Variants in DENND4C observed in about 807,000 individuals in gnomAD.
The protein encoded by DENND4C is DENN domain-containing protein 4C.
Under a neutral mutation model 203.0 loss-of-function variants are expected in DENND4C, and 108 were observed. That is an observed-to-expected ratio of 0.53 (90% CI 0.46 to 0.62). The LOEUF is 0.62. DENND4C is among the 20% of genes least tolerant of loss of function. The pLI is 0.00. For synonymous variants in DENND4C, 871 were observed against 792.4 expected, an observed-to-expected ratio of 1.10 and a Z score of -1.67; for missense variants, 2,481 against 2,301.2, an observed-to-expected ratio of 1.08 and a Z score of -1.60.
At chr9:19,356,390 A>G (rs1206008658) in intron 26 of DENND4C, among the ~76,000 whole-genome samples, 2 of 152,132 alleles carry the variant, frequency 1.3e-5, no homozygotes, top group Admixed American at 6.5e-5. Flanking sequence ...AAACCCTTAG[A>G]AAACATTACC....
At chr9:19,233,243 A>C (rs941164463) in intron 1 of DENND4C, among the ~76,000 whole-genome samples, 1 of 152,162 alleles carries the variant, frequency 6.6e-6, no homozygotes, top group African/African-American at 2.4e-5. Flanking sequence ...AAGCTTTCAT[A>C]ATAACTGAAT....
rs1819357933 is a variant in DENND4C at position 19,332,127 on chromosome 9, G to A, written c.2403G>A (p.Gln801=). 1.3e-5 allele frequency: 21 copies of A among 1,613,894 alleles called. No individual in the cohort carries two copies. Among genetic ancestry groups the A allele is most frequent in the Non-Finnish European group, 1.8e-5 (21 of 1,179,984 alleles). Residue 801 remains glutamine, a synonymous_variant, in exon 17 of 33, where the codon CAG becomes CAA. Coordinates refer to ENST00000434457, the MANE Select transcript of DENND4C (RefSeq NM_001330640.2). Reference sequence around the variant, plus strand: ...CTCATCCTAAAGTCAGAGCACTTCAGCAGGCATATGATGTACTTATTAAGA... The same window carrying A: ...CTCATCCTAAAGTCAGAGCACTTCAACAGGCATATGATGTACTTATTAAGA... ...RVSHPKVRAL[Q]QAYDVLIKMR...
In DENND4C at chr9:19,251,021, G is replaced by A. The variant is rs114633017; in HGVS notation, c.-18+20188G>A. ...CACCTTCTCACAGCTCCGCTAGGCAGCACCCCAGTGGGGACCCTTTGTGGG... is the reference window on the plus strand; with the variant it reads ...CACCTTCTCACAGCTCCGCTAGGCAACACCCCAGTGGGGACCCTTTGTGGG... On this transcript the variant is annotated intron_variant, in intron 1 of 32. Coordinates refer to ENST00000434457, the MANE Select transcript of DENND4C (RefSeq NM_001330640.2). Among the ~76,000 whole-genome samples the A allele has an allele frequency of 5.8e-3, 886 of 152,312 alleles. 12 individuals carry two copies. Among genetic ancestry groups the A allele is most frequent in the African/African-American group, 0.02 (820 of 41,580 alleles).
At chr9:19,308,488 G>T (rs576182474) in intron 10 of DENND4C, among the ~76,000 whole-genome samples, 2 of 152,148 alleles carry the variant, frequency 1.3e-5, no homozygotes, top group East Asian at 1.9e-4. Context: ...TGTTCCTTTT[G>T]TTGGTACATT....
intron 2 of DENND4C, among the ~76,000 whole-genome samples, chr9:19,283,880 C>T (rs1248962053): frequency 6.6e-6 from 1 of 152,106 alleles, no homozygotes; most frequent in South Asian, 2.1e-4. Context: ...TAGGCGTGAG[C>T]CACTGCGCCC....
chr9:19,308,054 T>A (rs1419012278), intron 10 of DENND4C, among the ~76,000 whole-genome samples: 2 of 152,182 alleles, frequency 1.3e-5, no homozygotes, highest in Admixed American at 6.5e-5. Context: ...TGCTCACCAT[T>A]CTTTGTGAGG....
chr9:19,298,266 C>T (rs1837858385), intron 7 of DENND4C, 144 bp downstream of exon 7: 2 of 629,516 alleles, frequency 3.2e-6, no homozygotes, highest in Admixed American at 3.1e-5. Context: ...TGTAGCTTTA[C>T]TGAACACCCT....
intron 30 of DENND4C, among the ~76,000 whole-genome samples, chr9:19,369,559 G>A (rs1057336050): frequency 6.6e-6 from 1 of 151,982 alleles, no homozygotes; most frequent in African/African-American, 2.4e-5. Flanking sequence ...TTGAGCCCAG[G>A]AGTTTGAGAC....
Position 19,334,979 on chromosome 9 carries a change from G to A in DENND4C, c.2463G>A (p.Val821=). The change falls in exon 18 of 33, where the codon GTG becomes GTA. Residue 821 remains valine, a splice_region_variant and synonymous_variant. Transcript: ENST00000434457. ...RKTDVDPLDE[V]CYRVVMQLCG... ...CACTGATTTTTTTTTTTTGTTAGGTGTGCTATCGAGTAGTGATGCAGCTTT... is the reference window on the plus strand; with the variant it reads ...CACTGATTTTTTTTTTTTGTTAGGTATGCTATCGAGTAGTGATGCAGCTTT... 1 of 1,581,840 alleles carries A rather than the reference G, an allele frequency of 6.3e-7. No individual in the cohort carries two copies. The highest frequency in any genetic ancestry group is 8.6e-7 in the Non-Finnish European group (1 of 1,169,516).
In DENND4C at chr9:19,296,096, C is replaced by G; in HGVS notation, c.890C>G (p.Pro297Arg). 6.2e-7 allele frequency: 1 copy of G among 1,614,044 alleles called. No homozygotes were observed. Among genetic ancestry groups the G allele is most frequent in the South Asian group, 1.1e-5 (1 of 91,078 alleles). Residue 297 changes from proline (P) to arginine (R), a missense_variant, in exon 6 of 33, where the codon CCT becomes CGT. This residue lies in a region of DENND4C where 2,289 missense variants were observed against 2,113.3 expected (regional missense o/e 1.08). Coordinates refer to ENST00000434457, the MANE Select transcript of DENND4C (RefSeq NM_001330640.2). ...CTTATGCACCTGGGCTTGTTGACGCCTGTGGAGAGAAAAATGGTCTCCAAA... is the reference window on the plus strand; with the variant it reads ...CTTATGCACCTGGGCTTGTTGACGCGTGTGGAGAGAAAAATGGTCTCCAAA... ...KQLMHLGLLT[P>R]VERKMVSKSI... is the part of the protein sequence containing the mutation.
chr9:19,262,112 A>G (rs1471941287), intron 1 of DENND4C, among the ~76,000 whole-genome samples: 2 of 69,978 alleles, frequency 2.9e-5, no homozygotes, highest in Non-Finnish European at 5.7e-5. Context: ...TTTTGAGACA[A>G]GTCTTGTTCT....
chr9:19,270,935 C>G (rs1831518566), intron 1 of DENND4C, among the ~76,000 whole-genome samples: 1 of 151,988 alleles, frequency 6.6e-6, no homozygotes, highest in African/African-American at 2.4e-5. Flanking sequence ...TATATAGTAG[C>G]AATGAATAAT....
intron 1 of DENND4C, among the ~76,000 whole-genome samples, chr9:19,251,981 C>T (rs989402697): frequency 2.0e-5 from 3 of 152,194 alleles, no homozygotes; most frequent in African/African-American, 4.8e-5. Flanking sequence ...GTTCGAAAGT[C>T]GCTTCCACAT....
At chr9:19,314,377 C>G (rs548203973) in intron 10 of DENND4C, among the ~76,000 whole-genome samples, 4 of 152,074 alleles carry the variant, frequency 2.6e-5, no homozygotes, top group Non-Finnish European at 4.4e-5. Context: ...TCGCTTGAAC[C>G]TGGGAGGTGG....
chr9:19,341,291 T>C (rs1194981641), intron 21 of DENND4C, among the ~76,000 whole-genome samples, 177 bp downstream of exon 21: 1 of 151,242 alleles, frequency 6.6e-6, no homozygotes, highest in African/African-American at 2.4e-5. Context: ...TTTTAAAATT[T>C]AAGAGAACTT....
intron 16 of DENND4C, among the ~76,000 whole-genome samples, chr9:19,331,184 T>C (rs1269576664): frequency 6.6e-6 from 1 of 151,724 alleles, no homozygotes; most frequent in Non-Finnish European, 1.5e-5. Context: ...GGAAAGTTTA[T>C]GTTGACTGCA....
chr9:19,346,642 A>C lies in DENND4C; in HGVS notation c.3873A>C (p.Leu1291=). Residue 1291 remains leucine, a synonymous_variant, in exon 23 of 33, where the codon CTA becomes CTC. Coordinates refer to ENST00000434457, the MANE Select transcript of DENND4C (RefSeq NM_001330640.2). ...LADEIESYMN[L]KSPLGSKSSS... is the part of the protein sequence containing the mutation. ...ATGAAATAGAAAGCTATATGAACCTAAAAAGTCCCCTAGGTAGTAAATCTT... is the reference window on the plus strand; with the variant it reads ...ATGAAATAGAAAGCTATATGAACCTCAAAAGTCCCCTAGGTAGTAAATCTT... The C allele has an allele frequency of 6.2e-7, 1 of 1,614,138 alleles. No individual in the cohort carries two copies. The highest frequency in any genetic ancestry group is 8.5e-7 in the Non-Finnish European group (1 of 1,180,010).
chr9:19,344,322 T>C (rs1053004293), intron 22 of DENND4C, among the ~76,000 whole-genome samples: 39 of 152,226 alleles, frequency 2.6e-4, no homozygotes, highest in African/African-American at 8.4e-4. Flanking sequence ...ACAGACTAGG[T>C]GACTTATAAA....
intron 26 of DENND4C, among the ~76,000 whole-genome samples, chr9:19,354,610 A>G (rs900403073): frequency 1.4e-5 from 2 of 140,944 alleles, no homozygotes; most frequent in African/African-American, 5.4e-5. Context: ...GCTGGAGTCC[A>G]ATGGCACAAT....
Sources: allele counts gnomAD v4.1 joint callset (sites outside exome capture counted in the v4.1 genomes callset), GRCh38; gene constraint gnomAD v4.1.1; regional missense constraint gnomAD v4.1.1; transcripts MANE v1.5; gene names NCBI Gene and HGNC (gene_info 2026-07-23, HGNC 2026-07-21).